CLMN: variants seen among roughly 807,000 people sequenced by gnomAD.
CLMN encodes calmin (calponin-like, transmembrane).
In CLMN, 57 loss-of-function variants were observed where a neutral mutation model predicts 92.7. The ratio of observed to expected loss-of-function variants is 0.61; its 90% CI spans 0.50 to 0.77. CLMN has a LOEUF of 0.77. CLMN is among the 30% of genes least tolerant of loss of function. The pLI is 0.00. For synonymous variants in CLMN, 466 were observed against 470.6 expected (o/e 0.99, Z 0.13); for missense variants, 1,158 against 1,237.5 (o/e 0.94, Z 0.96).
intron 6 of CLMN, 130 bp downstream of exon 6, chr14:95,213,087 CCT>C (rs1478444373): frequency 1.3e-5 from 13 of 1,008,416 alleles, no homozygotes; most frequent in Middle Eastern, 2.8e-4. Context: ...GCGCCTGCCC[CCT>C]GTTCTGATAT....
At position 95,204,241 on chromosome 14, in the gene CLMN, G is replaced by C. The variant is rs1381381759; in HGVS notation, c.1108C>G (p.His370Asp). The C allele has an allele frequency of 1.2e-6, 2 of 1,614,050 alleles. No individual in the cohort carries two copies. The highest frequency in any genetic ancestry group is 3.3e-5 in the Admixed American group (2 of 59,998). ...KEFRLDGVSS[H>D]ALSDSSTEFM... ...TCGGTGGAGCTGTCTGACAGCGCAT[G>C]GCTGGAAACACCATCCAGGCGGAAT... The change falls in exon 9 of 13, where the codon CAT (histidine) becomes GAT (aspartate). Residue 370 changes from histidine (H) to aspartate (D), a missense_variant. By Grantham distance (81) the His-to-Asp change is moderately conservative (BLOSUM62 -1). Coordinates refer to ENST00000298912, the MANE Select transcript of CLMN (RefSeq NM_024734.4).
At position 95,213,301 on chromosome 14, in the gene CLMN, C is replaced by T; in HGVS notation, c.526G>A (p.Glu176Lys). The stretch of plus-strand genomic sequence containing the variant: ...TTCACCGATATTGCCACGCTCCTCT[C>T]TGCAGTGGGTGTGGGTGGGAAGGAT... ...DSSFPPTPTA[E>K]RSVAISVKDQ... Residue 176 changes from glutamate (E) to lysine (K), a missense_variant, in exon 6 of 13, where the codon GAG becomes AAG. Glu to Lys is a moderately conservative substitution (Grantham distance 56). Transcript: ENST00000298912. The T allele has an allele frequency of 6.2e-7, 1 of 1,614,046 alleles. No homozygotes were observed. The highest frequency in any genetic ancestry group is 1.1e-5 in the South Asian group (1 of 91,050).
At chr14:95,221,815 C>T in intron 3 of CLMN, 41 bp from the exon 4 acceptor site, 1 of 1,575,736 alleles carries the variant, frequency 6.3e-7, no homozygotes, top group Non-Finnish European at 8.7e-7. Flanking sequence ...ATTAAACCCG[C>T]ACAGGCACTT....
chr14:95,232,847 TC>T (rs1897932731), intron 1 of CLMN, among the ~76,000 whole-genome samples: 2 of 152,188 alleles, frequency 1.3e-5, no homozygotes, highest in African/African-American at 4.8e-5. Flanking sequence ...GTCTGGTTGT[TC>T]CCCCTGTGGA....
intron 1 of CLMN, among the ~76,000 whole-genome samples, chr14:95,231,975 T>A (rs1036492831): frequency 2.0e-5 from 3 of 152,242 alleles, no homozygotes; most frequent in African/African-American, 7.2e-5. Flanking sequence ...CCCAGGGAGA[T>A]GTTGTAACTT....
chr14:95,266,777 T>C (rs1005033254), intron 1 of CLMN, among the ~76,000 whole-genome samples: 24 of 152,248 alleles, frequency 1.6e-4, no homozygotes, highest in Middle Eastern at 3.4e-3. Flanking sequence ...CATCACACTA[T>C]CTGACTTCAA....
rs111738025 is a variant in CLMN at position 95,194,374 on chromosome 14, C to G, written c.2769+162G>C. 6.9e-7 allele frequency: 1 copy of G among 1,459,180 alleles called. No homozygotes were observed. Among genetic ancestry groups the G allele is most frequent in the East Asian group, 2.5e-5 (1 of 39,896 alleles). 90.4% of individuals were successfully genotyped at this position (1,459,180 alleles called of 1,614,324 possible). Reference sequence around the variant, plus strand: ...TTATTGCCCAAACCGGATATCCGATCGGACTGTGCTTAATGATAAGGTTCC... The same window carrying G: ...TTATTGCCCAAACCGGATATCCGATGGGACTGTGCTTAATGATAAGGTTCC... On this transcript the variant is annotated intron_variant, in intron 11 of 12. Transcript: ENST00000298912. This position sits in a 1 kb window ranked among gnomAD's most constrained non-coding sequence, Gnocchi z 4.0.
chr14:95,209,558 G>T, intron 7 of CLMN, 81 bp from the exon 8 acceptor site: 1 of 1,065,238 alleles, frequency 9.4e-7, no homozygotes, highest in Non-Finnish European at 1.5e-6. Context: ...TGATGGTGAA[G>T]AATCCCACAG....
intron 9 of CLMN, among the ~76,000 whole-genome samples, chr14:95,198,742 G>A (rs901130226): frequency 2.6e-5 from 4 of 152,040 alleles, no homozygotes; most frequent in Admixed American, 1.3e-4. Context: ...CAGCCACACC[G>A]CAAATCACCT....
intron 7 of CLMN, 37 bp downstream of exon 7, chr14:95,210,649 A>G (rs1254741983): frequency 6.3e-7 from 1 of 1,587,598 alleles, no homozygotes. Context: ...CATTTGTAAA[A>G]AAAAATTATT....
chr14:95,232,927 C>A (rs989607445), intron 1 of CLMN, among the ~76,000 whole-genome samples: 3 of 152,190 alleles, frequency 2.0e-5, no homozygotes, highest in African/African-American at 7.2e-5. Flanking sequence ...GTATGAGCAT[C>A]CTGGTTCTTT....
intron 1 of CLMN, among the ~76,000 whole-genome samples, chr14:95,315,289 G>T (rs79060682): frequency 0.046 from 7,072 of 152,180 alleles, 785 homozygotes; most frequent in East Asian, 0.45. Context: ...CCTTTTTCTC[G>T]TGGTCACATG....
intron 1 of CLMN, among the ~76,000 whole-genome samples, chr14:95,282,099 G>A (rs1163405752): frequency 6.6e-6 from 1 of 152,196 alleles, no homozygotes; most frequent in African/African-American, 2.4e-5. Flanking sequence ...GGGTTCTGAA[G>A]GATGAGTAGG....
chr14:95,252,997 A>G (rs1898850323), intron 1 of CLMN, among the ~76,000 whole-genome samples: 1 of 152,202 alleles, frequency 6.6e-6, no homozygotes, highest in African/African-American at 2.4e-5. Context: ...GAGTTCACTG[A>G]GTACTTCTGA....
At chr14:95,291,156 C>T (rs940212749) in intron 1 of CLMN, among the ~76,000 whole-genome samples, 2 of 152,228 alleles carry the variant, frequency 1.3e-5, no homozygotes, top group African/African-American at 4.8e-5. Flanking sequence ...GAGTGGAACC[C>T]GGGCTGTGAC....
intron 1 of CLMN, among the ~76,000 whole-genome samples, chr14:95,277,260 T>C (rs1899968093): frequency 6.6e-6 from 1 of 152,218 alleles, no homozygotes; most frequent in Non-Finnish European, 1.5e-5. Flanking sequence ...AGGTGTGTCA[T>C]AGATATAATG....
intron 1 of CLMN, among the ~76,000 whole-genome samples, chr14:95,307,145 T>C (rs1348545882): frequency 1.3e-5 from 2 of 152,198 alleles, no homozygotes; most frequent in African/African-American, 4.8e-5. Flanking sequence ...TTATCATCCC[T>C]TTCCACCAAA....
At chr14:95,209,328 C>T (rs1392593203) in intron 8 of CLMN, 67 bp downstream of exon 8, 1 of 1,476,632 alleles carries the variant, frequency 6.8e-7, no homozygotes, top group Non-Finnish European at 9.5e-7. Context: ...CACGTCCCTG[C>T]TTCGTCTGAT....
intron 4 of CLMN, among the ~76,000 whole-genome samples, 155 bp downstream of exon 4, chr14:95,221,536 T>C (rs1897538971): frequency 6.6e-6 from 1 of 152,196 alleles, no homozygotes; most frequent in Non-Finnish European, 1.5e-5. Context: ...AGGGGTCATC[T>C]GAGTGATTTC....
Sources: gnomAD v4.1 joint callset for allele counts (sites outside exome capture counted in the v4.1 genomes callset) on GRCh38, gnomAD v4.1.1 for gene constraint, Gnocchi (gnomAD v3.1) non-coding constraint, MANE v1.5 for transcripts, NCBI Gene and HGNC (gene_info 2026-07-23, HGNC 2026-07-21) for gene names.